The following TENM1 variants were observed in gnomAD, a reference collection of about 807,000 sequenced individuals.
TENM1 encodes teneurin transmembrane protein 1, also known as teneurin-1.
In TENM1, 35 loss-of-function variants were observed where a neutral mutation model predicts 174.8. That is an observed-to-expected ratio of 0.20 (90% CI 0.15 to 0.27). The LOEUF is 0.27. TENM1 is among the 10% of genes least tolerant of loss of function. TENM1 has a pLI of 1.00. For missense variants in TENM1, 1,633 were observed against 2,130.1 expected, an observed-to-expected ratio of 0.77 and a Z score of 4.59; for synonymous variants, 781 against 798.7, an observed-to-expected ratio of 0.98 and a Z score of 0.37.
chrX:124,752,737 T>G (rs1306740552), intron 3 of TENM1, among the ~76,000 whole-genome samples: 1 of 111,326 alleles, frequency 9.0e-6, no homozygotes, highest in African/African-American at 3.3e-5. Flanking sequence ...CAGCACCATT[T>G]ATTAAATAGG....
the TENM1 span, among the ~76,000 whole-genome samples, chrX:125,050,496 C>T: frequency 2.7e-5 from 3 of 111,331 alleles, no homozygotes; most frequent in African/African-American, 9.8e-5. Context: ...TGAACTCATC[C>T]TGTTTTATGG....
chrX:124,755,781 GA>G (rs1017269873), intron 3 of TENM1, among the ~76,000 whole-genome samples: 1 of 108,655 alleles, frequency 9.2e-6, no homozygotes, highest in African/African-American at 3.5e-5. Flanking sequence ...ATTCTGGGTT[GA>G]AAATTCTTTT....
upstream of TENM1, among the ~76,000 whole-genome samples, chrX:124,968,546 C>T (rs969626118): frequency 1.8e-5 from 2 of 112,001 alleles, no homozygotes; most frequent in African/African-American, 6.5e-5. Context: ...AATTTCCAAT[C>T]ATAACTATTC....
At chrX:125,180,971 TTA>T in the TENM1 span, among the ~76,000 whole-genome samples, 1 of 111,876 alleles carries the variant, frequency 8.9e-6, no homozygotes, top group African/African-American at 3.3e-5. Context: ...ATTACCGGCA[TTA>T]CCTCCTCCAC....
At chrX:124,487,172 A>AG (rs1321250652) in intron 21 of TENM1, 37 bp downstream of exon 24, 6 of 1,150,073 alleles carry the variant, frequency 5.2e-6, no homozygotes, top group Admixed American at 2.6e-5. Context: ...CATAGGCAAG[A>AG]GGGGGCATTA....
chrX:124,453,635 T>C (rs2061069073), intron 22 of TENM1, 144 bp from the exon 26 acceptor site: 2 of 450,916 alleles, frequency 4.4e-6, no homozygotes, highest in Non-Finnish European at 7.1e-6. Context: ...AGGACAGTAA[T>C]GGGAGAGGTT....
intron 1 of TENM1, among the ~76,000 whole-genome samples, chrX:124,962,930 A>G (rs921866335): frequency 1.5e-4 from 17 of 112,723 alleles, no homozygotes; most frequent in Non-Finnish European, 2.2e-4. Context: ...TTATCTATCA[A>G]TTGGAACAGG....
rs1355154071 is a variant in TENM1 at position 124,422,411 on chromosome X, C to A, written c.4332G>T (p.Gly1444=). 2.5e-6 allele frequency: 3 copies of A among 1,209,580 alleles called. No homozygotes were observed. In the African/African-American group the frequency reaches 5.3e-5, roughly 21 times the overall value. Reference sequence around the variant, plus strand: ...CGTCTGTTTCAGCTATGAAGAGCAGCCCGCTGTGGGAGACACTGATGGCCC... The same window carrying A: ...CGTCTGTTTCAGCTATGAAGAGCAGACCGCTGTGGGAGACACTGATGGCCC... Residue 1444 remains glycine, a synonymous_variant, in exon 24 of 32, where the codon GGG becomes GGT. Transcript: ENST00000422452.
chrX:124,727,716 A>C (rs984558789), intron 4 of TENM1, among the ~76,000 whole-genome samples: 2 of 111,813 alleles, frequency 1.8e-5, no homozygotes, highest in African/African-American at 6.5e-5. Flanking sequence ...GATTGTGAGA[A>C]GCTAGAAAGG....
chrX:124,837,176 C>T (rs2147348732), intron 3 of TENM1, among the ~76,000 whole-genome samples: 1 of 112,331 alleles, frequency 8.9e-6, no homozygotes, highest in South Asian at 3.7e-4. Context: ...GCAACCTGTG[C>T]CTCCCGGGTT....
intron 11 of TENM1, among the ~76,000 whole-genome samples, chrX:124,600,243 C>T (rs771259104): frequency 9.1e-6 from 1 of 110,363 alleles, no homozygotes; most frequent in South Asian, 4.0e-4. Context: ...CAAGGTGAGA[C>T]TGGAATATCC....
chrX:124,530,113 T>C, intron 15 of TENM1, 130 bp from the exon 19 acceptor site: 1 of 703,956 alleles, frequency 1.4e-6, no homozygotes, highest in Non-Finnish European at 2.0e-6. Flanking sequence ...AGTAGAAAAC[T>C]ACTAATAACA....
At chrX:124,825,575 T>C (rs2056140761) in intron 3 of TENM1, among the ~76,000 whole-genome samples, 1 of 111,980 alleles carries the variant, frequency 8.9e-6, no homozygotes, top group African/African-American at 3.2e-5. Flanking sequence ...CTGTGGGCTA[T>C]AATATCCATG....
chrX:124,979,690 G>A, the TENM1 span, among the ~76,000 whole-genome samples: 1 of 110,813 alleles, frequency 9.0e-6, no homozygotes, highest in East Asian at 2.8e-4. Context: ...AAATAATGCA[G>A]TGGGGATAGA....
At chrX:124,697,884 T>C (rs190735270) in intron 5 of TENM1, among the ~76,000 whole-genome samples, 1 of 111,532 alleles carries the variant, frequency 9.0e-6, no homozygotes, top group East Asian at 2.8e-4. Context: ...TCACATGTCA[T>C]GTGGTCTCTG....
chrX:125,132,295 C>A, the TENM1 span, among the ~76,000 whole-genome samples: 1 of 111,936 alleles, frequency 8.9e-6, no homozygotes, highest in Non-Finnish European at 1.9e-5. Context: ...GCAGGATACA[C>A]TGAGTATGGC....
intron 1 of TENM1, among the ~76,000 whole-genome samples, chrX:124,919,846 CT>C (rs895342719): frequency 3.2e-4 from 36 of 111,065 alleles, no homozygotes; most frequent in Non-Finnish European, 2.6e-4. Context: ...CTTTTCTGTA[CT>C]GAAAAGAACT....
At chrX:124,451,252 A>C (rs1280766996) in intron 23 of TENM1, among the ~76,000 whole-genome samples, 1 of 110,722 alleles carries the variant, frequency 9.0e-6, no homozygotes, top group African/African-American at 3.3e-5. Flanking sequence ...TGAGAGCTAC[A>C]CTGAATTTTC....
chrX:125,089,212 C>T, the TENM1 span, among the ~76,000 whole-genome samples: 1 of 111,637 alleles, frequency 9.0e-6, no homozygotes, highest in Non-Finnish European at 1.9e-5. Flanking sequence ...GTCATTTTTA[C>T]GGTTAAAGAT....
Sources: gnomAD v4.1 joint callset for allele counts (sites outside exome capture counted in the v4.1 genomes callset) on GRCh38, gnomAD v4.1.1 for gene constraint, MANE v1.5 for transcripts, NCBI Gene and HGNC (gene_info 2026-07-23, HGNC 2026-07-21) for gene names.